GLYATL2: variants seen among roughly 807,000 people sequenced by gnomAD.
GLYATL2 encodes glycine N-acyltransferase-like protein 2.
Under a neutral mutation model 21.4 loss-of-function variants are expected in GLYATL2, and 25 were observed. The ratio of observed to expected loss-of-function variants is 1.17; its 90% CI spans 0.85 to 1.63. The LOEUF is 1.63. Ranked by LOEUF, GLYATL2 falls within the 40% of genes most tolerant of loss-of-function variation. The pLI is 0.00. For missense variants in GLYATL2, 361 were observed against 343.3 expected, an observed-to-expected ratio of 1.05 and a Z score of -0.41; for synonymous variants, 114 against 118.2, an observed-to-expected ratio of 0.96 and a Z score of 0.23.
At chr11:58,860,490 C>T (rs1005088580) in intron 1 of GLYATL2, among the ~76,000 whole-genome samples, 1 of 152,006 alleles carries the variant, frequency 6.6e-6, no homozygotes, top group Non-Finnish European at 1.5e-5. Context: ...CTAGTTTTAA[C>T]CTAGTTTGCT....
In GLYATL2 at chr11:58,836,942, T is replaced by G. The variant is rs1249293853; in HGVS notation, c.476+73A>C. On this transcript the variant is annotated intron_variant, in intron 5 of 5. Transcript: ENST00000287275. ...TCATAATTTAGTCTCAAATCCTACA[T>G]TTCCAAGTACAGCCTTTGTGGCAAC... 6 of 1,349,810 alleles carry G rather than the reference T, an allele frequency of 4.4e-6. No individual in the cohort carries two copies. In the Admixed American group the frequency reaches 1.2e-4, roughly 26 times the overall value. 83.6% of individuals were successfully genotyped at this position (1,349,810 alleles called of 1,614,324 possible). A position where few individuals can be genotyped will look rare whatever the true frequency, so the allele number is the denominator to read the frequency against.
In GLYATL2 at chr11:58,865,367, G is replaced by A. The variant is rs1342636650; in HGVS notation, n.61-26999C>T. Among the ~76,000 whole-genome samples the A allele has an allele frequency of 1.3e-5, 2 of 148,850 alleles. 1 individual carries two copies. ...TTTCCTTAACAAAATAGGACTTGTT[G>A]TTCAAGATATTCAAGCCAGTACCAG... is the stretch of plus-strand genomic sequence containing the variant. On this transcript the variant is annotated intron_variant and non_coding_transcript_variant, in intron 1 of 4. Coordinates refer to the GLYATL2 transcript ENST00000533636.
At chr11:58,857,149 A>C (rs1853842550) in intron 1 of GLYATL2, among the ~76,000 whole-genome samples, 2 of 152,164 alleles carry the variant, frequency 1.3e-5, no homozygotes, top group Non-Finnish European at 2.9e-5. Context: ...ACAGTGCACA[A>C]GGGTTCTCCT....
intron 1 of GLYATL2, among the ~76,000 whole-genome samples, chr11:58,863,338 G>A (rs1290846942): frequency 2.0e-5 from 3 of 152,230 alleles, no homozygotes; most frequent in Non-Finnish European, 4.4e-5. Context: ...GAGTCCATGG[G>A]GACTGGCCTG....
chr11:58,860,536 T>A (rs1286160046), intron 1 of GLYATL2, among the ~76,000 whole-genome samples: 1 of 152,138 alleles, frequency 6.6e-6, no homozygotes, highest in Non-Finnish European at 1.5e-5. Context: ...AGGACCATGC[T>A]ATATGCAAAC....
upstream of GLYATL2, among the ~76,000 whole-genome samples, chr11:58,848,393 G>A (rs1474464619): frequency 6.6e-6 from 1 of 152,170 alleles, no homozygotes; most frequent in African/African-American, 2.4e-5. Context: ...ATGGAGATAT[G>A]TGACCCTTCA....
At chr11:58,840,732 A>T (rs1186819213) in intron 1 of GLYATL2, 1 of 151,916 alleles carries the variant, frequency 6.6e-6, no homozygotes, top group Non-Finnish European at 1.5e-5. Context: ...CCAGCTACTC[A>T]GGAGGCTGAG....
At chr11:58,909,780 T>G in the GLYATL2 span, among the ~76,000 whole-genome samples, 1 of 152,196 alleles carries the variant, frequency 6.6e-6, no homozygotes. Context: ...CTCTCCATAT[T>G]GCTGGTAAAA....
intron 3 of GLYATL2, 70 bp downstream of exon 3, chr11:58,838,191 G>T (rs1853474028): frequency 1.4e-5 from 14 of 1,002,604 alleles, no homozygotes; most frequent in Middle Eastern, 2.1e-4. Flanking sequence ...CTCAGTTTCA[G>T]TTCCCTCATT....
intron 1 of GLYATL2, among the ~76,000 whole-genome samples, chr11:58,858,178 A>G (rs1343799880): frequency 6.6e-6 from 1 of 152,154 alleles, no homozygotes; most frequent in Non-Finnish European, 1.5e-5. Flanking sequence ...AGTTTAAAGA[A>G]GAAAGTGGGG....
rs1371199734 is a variant in GLYATL2, at chr11:58,837,303, A to G, written c.281T>C (p.Val94Ala). The G allele has an allele frequency of 2.5e-6, 4 of 1,613,906 alleles. No individual in the cohort carries two copies. Among genetic ancestry groups the G allele is most frequent in the Non-Finnish European group, 3.4e-6 (4 of 1,179,892 alleles). Residue 94 changes from valine (V) to alanine (A), a missense_variant, in exon 4 of 6, where the codon GTA (valine) becomes GCA (alanine). Coordinates refer to ENST00000287275, the MANE Select transcript of GLYATL2 (RefSeq NM_145016.4). ...KLEEVLSYSNVISWEQTLQIQ... is the reference protein window; with the variant it reads ...KLEEVLSYSNAISWEQTLQIQ... Reference sequence around the variant, plus strand: ...CTGCAAAGTTTGCTCCCAGCTGATTACATTGGAGTATGACAGGACTTCCTC... The same window carrying G: ...CTGCAAAGTTTGCTCCCAGCTGATTGCATTGGAGTATGACAGGACTTCCTC...
chr11:58,869,528 A>G (rs747202295), intron 1 of GLYATL2, among the ~76,000 whole-genome samples: 6 of 152,176 alleles, frequency 3.9e-5, no homozygotes, highest in Non-Finnish European at 5.9e-5. Flanking sequence ...ATGTTTTCAG[A>G]CTGGTGAGAC....
In GLYATL2 at chr11:58,842,632, AAATGAATG is replaced by A. The variant is rs539083099; in HGVS notation, c.-41+1794_-41+1801del. 8.5e-5 allele frequency among the ~76,000 whole-genome samples: 13 copies of A among 152,082 alleles called. No homozygotes were observed. The South Asian group carries it at 1.2e-3, about 15-fold the overall frequency. On this transcript the variant is annotated intron_variant, in intron 1 of 5. Coordinates refer to ENST00000287275, the MANE Select transcript of GLYATL2 (RefSeq NM_145016.4). ...CCTGAACTGGAAAAAGCCAGTTGAA[AAATGAATG>A]AATGAATGAATGAATGAATGAAACA...
chr11:58,875,522 A>C (rs1428455437), intron 1 of GLYATL2, among the ~76,000 whole-genome samples: 1 of 152,142 alleles, frequency 6.6e-6, no homozygotes, highest in Non-Finnish European at 1.5e-5. Context: ...TTGCCTGTAA[A>C]GTATTTTATT....
rs11229655 is a variant in GLYATL2, at chr11:58,838,200, T to C, written c.186+61A>G. On this transcript the variant is annotated intron_variant, in intron 3 of 5. Coordinates refer to ENST00000287275, the MANE Select transcript of GLYATL2 (RefSeq NM_145016.4). ...CCACTCCTCAGTTTCAGTTCCCTCA[T>C]TGCCATGCAGAGAACGTCTGGAGAG... 0.24 allele frequency: 259,442 copies of C among 1,085,076 alleles called. 35,044 individuals carry two copies. Among genetic ancestry groups the C allele is most frequent in the East Asian group, 0.49 (20,404 of 42,012 alleles). The allele number at this position is 1,085,076 out of a possible 1,614,324, so 67.2% of individuals were successfully genotyped here. A position where few individuals can be genotyped will look rare whatever the true frequency, so the allele number is the denominator to read the frequency against.
intron 1 of GLYATL2, among the ~76,000 whole-genome samples, chr11:58,876,994 G>A (rs1028230440): frequency 1.4e-4 from 21 of 152,222 alleles, no homozygotes; most frequent in African/African-American, 3.9e-4. Context: ...AATGGCAGGC[G>A]CCCCTCCCCC....
chr11:58,856,103 C>T (rs1427193984), intron 1 of GLYATL2, among the ~76,000 whole-genome samples: 5 of 152,010 alleles, frequency 3.3e-5, no homozygotes, highest in Non-Finnish European at 7.4e-5. Context: ...CACTGCATTC[C>T]AGCCTGAGCA....
chr11:58,842,315 A>C (rs1326827697), intron 1 of GLYATL2, among the ~76,000 whole-genome samples: 1 of 152,154 alleles, frequency 6.6e-6, no homozygotes, highest in African/African-American at 2.4e-5. Flanking sequence ...CGTATACAGC[A>C]GGTCATCAAA....
At chr11:58,880,496 A>T (rs1854313808) in intron 1 of GLYATL2, among the ~76,000 whole-genome samples, 1 of 152,208 alleles carries the variant, frequency 6.6e-6, no homozygotes, top group African/African-American at 2.4e-5. Context: ...GTGGGGTGTG[A>T]TACAGCATGG....
Sources: allele counts gnomAD v4.1 joint callset (sites outside exome capture counted in the v4.1 genomes callset), GRCh38; gene constraint gnomAD v4.1.1; transcripts MANE v1.5; gene names NCBI Gene and HGNC (gene_info 2026-07-23, HGNC 2026-07-21).